LIG3: variants seen among roughly 807,000 people sequenced by gnomAD.
The protein encoded by LIG3 is DNA ligase 3, also known as ligase II, DNA, ATP-dependent.
Under a neutral mutation model 110.9 loss-of-function variants are expected in LIG3, and 58 were observed. The observed-to-expected ratio is 0.52, with a 90% CI of 0.42 to 0.65. LIG3 has a LOEUF of 0.65. Among genes scored for constraint, LIG3 ranks in the 30% least tolerant of loss-of-function variants. The pLI, the probability that LIG3 is intolerant of heterozygous loss-of-function variation, is 0.00. For missense variants in LIG3, 1,094 were observed against 1,273.8 expected (o/e 0.86, Z 2.15); for synonymous variants, 422 against 472.8 (o/e 0.89, Z 1.39).
intron 15 of LIG3, 148 bp downstream of exon 15, chr17:34,999,597 T>A: frequency 8.4e-7 from 1 of 1,185,092 alleles, no homozygotes; most frequent in Non-Finnish European, 1.2e-6. Flanking sequence ...CCTTATAATC[T>A]CTGAATGCCT....
In LIG3 at chr17:34,994,408, C is replaced by A; in HGVS notation, c.1588C>A (p.Leu530Ile). The A allele has an allele frequency of 6.2e-7, 1 of 1,614,102 alleles. No individual in the cohort carries two copies. Among genetic ancestry groups the A allele is most frequent in the Non-Finnish European group, 8.5e-7 (1 of 1,179,966 alleles). Residue 530 changes from leucine to isoleucine, a missense_variant, in exon 9 of 20, where the codon CTC (leucine) becomes ATC (isoleucine). Coordinates refer to ENST00000378526, the MANE Select transcript of LIG3 (RefSeq NM_013975.4). Reference protein sequence around the residue: ...GDHFSYFSRSLKPVLPHKVAH... With the variant: ...GDHFSYFSRSIKPVLPHKVAH... ...CCACTTCAGCTACTTCAGCCGCAGT[C>A]TCAAGCCCGTCCTTCCTCACAAGGT...
In LIG3 at chr17:35,004,639, G is replaced by C. The variant is rs1392824312; in HGVS notation, c.*133G>C. The C allele has an allele frequency of 1.5e-6, 1 of 674,498 alleles. No individual in the cohort carries two copies. The highest frequency in any genetic ancestry group is 2.6e-6 in the Non-Finnish European group (1 of 391,710). 41.8% of individuals were successfully genotyped at this position (674,498 alleles called of 1,614,324 possible). A position where few individuals can be genotyped will look rare whatever the true frequency, so the allele number is the denominator to read the frequency against. ...CTCCCAAACCCACCAGTTCTCCACT[G>C]TCTCTTCTGGACCAGGAATTAGTTG... is the stretch of plus-strand genomic sequence containing the variant. On this transcript the variant is annotated 3_prime_UTR_variant, in exon 20 of 20. Transcript: ENST00000378526.
At chr17:34,994,565 T>C in intron 9 of LIG3, 134 bp downstream of exon 9, 1 of 923,218 alleles carries the variant, frequency 1.1e-6, no homozygotes, top group Non-Finnish European at 1.6e-6. Context: ...AATGAATTAA[T>C]TCATTTATTC....
intron 5 of LIG3, 60 bp downstream of exon 5, chr17:34,991,174 A>C (rs1597794612): frequency 6.6e-6 from 10 of 1,511,136 alleles, no homozygotes; most frequent in East Asian, 2.3e-5. Flanking sequence ...CAAGCCAGGC[A>C]CCTGCAGCCT....
At chr17:34,991,389 G>C (rs1463498336) in intron 5 of LIG3, 7 of 570,594 alleles carry the variant, frequency 1.2e-5, no homozygotes, top group Non-Finnish European at 2.1e-5. Flanking sequence ...GTCTCTCCTG[G>C]GGCTTTTATT....
rs1216032188 is a variant in LIG3, at chr17:34,988,183, T to A, written c.692-1283T>A. On this transcript the variant is annotated intron_variant, in intron 3 of 19. Coordinates refer to ENST00000378526, the MANE Select transcript of LIG3 (RefSeq NM_013975.4). ...ACTCCAGCCTGGGCGACAGCGAGAC[T>A]CTGTCTCAAAAAAAAAAAAAAAAAA... is the stretch of plus-strand genomic sequence containing the variant. 4.1e-5 allele frequency among the ~76,000 whole-genome samples: 5 copies of A among 122,134 alleles called. No individual in the cohort carries two copies. The Admixed American group carries it at 4.8e-4, about 12-fold the overall frequency. 80.1% of individuals were successfully genotyped at this position (122,134 alleles called of 152,430 possible). A position where few individuals can be genotyped will look rare whatever the true frequency, so the allele number is the denominator to read the frequency against.
At chr17:34,994,154 G>C (rs928330634) in intron 8 of LIG3, 122 bp from the exon 9 acceptor site, 25 of 817,192 alleles carry the variant, frequency 3.1e-5, no homozygotes, top group Non-Finnish European at 4.6e-5. Flanking sequence ...AGCGTTAATT[G>C]TGGGCAGTCA....
intron 13 of LIG3, 30 bp from the exon 14 acceptor site, chr17:34,998,574 T>C: frequency 1.2e-6 from 2 of 1,612,358 alleles, no homozygotes; most frequent in Non-Finnish European, 1.7e-6. Context: ...TGCCTTTCTA[T>C]TCTGTGGTCT....
Position 35,004,273 on chromosome 17 carries a change from G to A in LIG3, c.2797G>A (p.Val933Ile), listed in dbSNP as rs1408270421. 6.2e-7 allele frequency: 1 copy of A among 1,613,694 alleles called. No homozygotes were observed. Among genetic ancestry groups the A allele is most frequent in the Non-Finnish European group, 8.5e-7 (1 of 1,179,716 alleles). The change falls in exon 20 of 20, where the codon GTA becomes ATA. Residue 933 changes from valine (V) to isoleucine (I), a missense_variant and splice_region_variant. By Grantham distance (29) the Val-to-Ile change is conservative (BLOSUM62 3). Transcript: ENST00000378526. The part of the protein sequence containing the change: ...AADETLCQTK[V>I]LLDIFTGVRL... ...CACCCTGACCCCTCTGCATTTGCAG[G>A]TATTGCTGGACATCTTCACTGGGGT...
In LIG3 at chr17:35,005,405, C is replaced by CTGG. The variant is rs970637542; in HGVS notation, c.*908_*910dup. The CTGG allele has an allele frequency of 1.8e-6, 1 of 559,452 alleles. No individual in the cohort carries two copies. Among genetic ancestry groups the CTGG allele is most frequent in the Non-Finnish European group, 3.6e-6 (1 of 275,992 alleles). The allele number at this position is 559,452 out of a possible 1,614,324, so 34.7% of individuals were successfully genotyped here. On this transcript the variant is annotated 3_prime_UTR_variant, in exon 20 of 20. Transcript: ENST00000378526. ...GCCATCAGCCATGACTGTGTATGCT[C>CTGG]TGGTGGTGGTGTCTTACTTCCTCAT... is the stretch of plus-strand genomic sequence containing the variant.
rs1280938034 is a variant in LIG3, at chr17:34,996,130, G to A, written c.1678G>A (p.Glu560Lys). 1.2e-6 allele frequency: 2 copies of A among 1,614,150 alleles called. No homozygotes were observed. The highest frequency in any genetic ancestry group is 1.7e-5 in the Admixed American group (1 of 60,028). Residue 560 changes from glutamate to lysine, a missense_variant, in exon 10 of 20, where the codon GAA (glutamate) becomes AAA (lysine). Glu to Lys is a moderately conservative substitution (Grantham distance 56). Coordinates refer to ENST00000378526, the MANE Select transcript of LIG3 (RefSeq NM_013975.4). ...GGGCCACAGCATGATCTTGGATTCT[G>A]AAGTGCTTCTGATTGACAACAAGAC... ...PGGHSMILDS[E>K]VLLIDNKTGK...
Position 35,005,887 on chromosome 17 carries a change from A to G in LIG3, c.*1381A>G. 1 of 345,606 alleles carries G rather than the reference A, an allele frequency of 2.9e-6. No homozygotes were observed. Among genetic ancestry groups the G allele is most frequent in the Non-Finnish European group, 5.7e-6 (1 of 176,986 alleles). The allele number at this position is 345,606 out of a possible 1,614,324, so 21.4% of individuals were successfully genotyped here. A position where few individuals can be genotyped will look rare whatever the true frequency, so the allele number is the denominator to read the frequency against. ...ACCTAGCGAAAAAAACAGGAAGCATATTGAAGCTCGGACTAGAATTTCTTC... is the reference window on the plus strand; with the variant it reads ...ACCTAGCGAAAAAAACAGGAAGCATGTTGAAGCTCGGACTAGAATTTCTTC... On this transcript the variant is annotated 3_prime_UTR_variant, in exon 20 of 20. Coordinates refer to ENST00000378526, the MANE Select transcript of LIG3 (RefSeq NM_013975.4).
rs1288248337 is a variant in LIG3 at position 34,983,676 on chromosome 17, G to T, written c.547+124G>T. The T allele has an allele frequency of 4.2e-6, 4 of 947,610 alleles. No individual in the cohort carries two copies. The East Asian group carries it at 7.9e-5, about 19-fold the overall frequency. 58.7% of individuals were successfully genotyped at this position (947,610 alleles called of 1,614,324 possible). A position where few individuals can be genotyped will look rare whatever the true frequency, so the allele number is the denominator to read the frequency against. ...TTTAGAGATGGGGTCTCACTCTGTT[G>T]CCTAGGCCAGTGTTTAATGTTGCAT... is the stretch of plus-strand genomic sequence containing the variant. On this transcript the variant is annotated intron_variant, in intron 2 of 19. Transcript: ENST00000378526.
chr17:34,997,421 T>G (rs559085320), intron 11 of LIG3: 30 of 274,908 alleles, frequency 1.1e-4, no homozygotes, highest in African/African-American at 6.0e-4. Context: ...AAAATGAGAG[T>G]TGGAGTCGTA....
chr17:34,996,242 G>A (rs373479033), intron 10 of LIG3, 47 bp downstream of exon 10: 2 of 1,599,852 alleles, frequency 1.3e-6, no homozygotes, highest in East Asian at 2.2e-5. Flanking sequence ...GTGTGAGTGA[G>A]TATGTACATG....
intron 16 of LIG3, 115 bp downstream of exon 16, chr17:34,999,971 G>T: frequency 1.3e-6 from 1 of 773,360 alleles, no homozygotes; most frequent in East Asian, 2.7e-5. Flanking sequence ...TAGGGGTCTG[G>T]ATTTCCAGCT....
intron 7 of LIG3, 74 bp from the exon 8 acceptor site, chr17:34,992,450 C>G: frequency 7.0e-7 from 1 of 1,427,124 alleles, no homozygotes; most frequent in Non-Finnish European, 9.5e-7. Flanking sequence ...TCTGTGAGGA[C>G]AGATTGCTGT....
At chr17:34,981,506 C>A (rs1214581964) in intron 1 of LIG3, 1 of 152,252 alleles carries the variant, frequency 6.6e-6, no homozygotes, top group African/African-American at 2.4e-5. Flanking sequence ...CTCCCTCCCC[C>A]ACAACCAGCG....
chr17:34,998,000 G>T (rs1407964208), intron 12 of LIG3, 175 bp downstream of exon 12: 1 of 662,238 alleles, frequency 1.5e-6, no homozygotes, highest in Non-Finnish European at 2.6e-6. Flanking sequence ...GAAGGGTAGG[G>T]CATGGAAATC....
Sources: allele counts gnomAD v4.1 joint callset (sites outside exome capture counted in the v4.1 genomes callset), GRCh38; gene constraint gnomAD v4.1.1; transcripts MANE v1.5; gene names NCBI Gene and HGNC (gene_info 2026-07-23, HGNC 2026-07-21).